The following XIRP2 variants were observed in gnomAD, a reference collection of about 807,000 sequenced individuals.
XIRP2 encodes the protein xin actin binding repeat containing 2.
XIRP2 carries 236 observed loss-of-function variants against 277.0 expected under a neutral mutation model. The observed-to-expected ratio is 0.85, with a 90% CI of 0.77 to 0.95. The LOEUF (loss-of-function observed/expected upper bound fraction) is 0.95, where lower values mean the gene tolerates loss of function less well. Among genes scored for constraint, XIRP2 ranks in the 40% least tolerant of loss-of-function variants. XIRP2 has a pLI of 0.00. For missense variants in XIRP2, 4,640 were observed against 4,157.5 expected (o/e 1.12, Z -3.19); for synonymous variants, 1,490 against 1,416.5 (o/e 1.05, Z -1.17).
chr2:167,167,499 T>A (rs184069664), intron 3 of XIRP2, among the ~76,000 whole-genome samples: 4,006 of 152,258 alleles, frequency 0.026, 62 homozygotes, highest in Non-Finnish European at 0.039. Flanking sequence ...TGTACTTTTT[T>A]AAAACTTTTT....
intron 2 of XIRP2, among the ~76,000 whole-genome samples, chr2:167,122,628 C>A (rs2105305868): frequency 6.6e-6 from 1 of 152,278 alleles, no homozygotes; most frequent in Non-Finnish European, 1.5e-5. Flanking sequence ...TTCTGAAAGA[C>A]CCAAGGTCCC....
intron 9 of XIRP2, among the ~76,000 whole-genome samples, chr2:167,253,491 C>T (rs1349000960): frequency 1.3e-5 from 2 of 151,724 alleles, no homozygotes; most frequent in African/African-American, 2.4e-5. Flanking sequence ...AACTCTAAGT[C>T]ATCAAGAAAA....
intron 2 of XIRP2, among the ~76,000 whole-genome samples, chr2:167,064,379 G>T (rs967609455): frequency 2.0e-5 from 3 of 151,708 alleles, no homozygotes; most frequent in Non-Finnish European, 4.4e-5. Context: ...ATTTTATAGC[G>T]CATACTTCTA....
At chr2:167,024,222 A>G (rs1688080811) in intron 2 of XIRP2, among the ~76,000 whole-genome samples, 1 of 152,068 alleles carries the variant, frequency 6.6e-6, no homozygotes, top group South Asian at 2.1e-4. Flanking sequence ...GCAATTGTGA[A>G]TGGGAGTTCA....
At chr2:167,102,590 T>C (rs78999500) in intron 2 of XIRP2, among the ~76,000 whole-genome samples, 13,068 of 152,276 alleles carry the variant, frequency 0.086, 607 homozygotes, top group South Asian at 0.16. Context: ...ACTGTAAATG[T>C]ACCATTTAAA....
At position 167,258,628 on chromosome 2, in the gene XIRP2, G is replaced by A. The variant is rs1445962187; in HGVS notation, c.*811G>A. Reference sequence around the variant, plus strand: ...TACAGGTTACTAACACTGATGATGAGATGATGCCAGAAAATCATAAAGAAA... The same window carrying A: ...TACAGGTTACTAACACTGATGATGAAATGATGCCAGAAAATCATAAAGAAA... On this transcript the variant is annotated 3_prime_UTR_variant, in exon 11 of 11. Transcript: ENST00000409195. 1 of 1,612,244 alleles carries A rather than the reference G, an allele frequency of 6.2e-7. No individual in the cohort carries two copies. Among genetic ancestry groups the A allele is most frequent in the Admixed American group, 1.7e-5 (1 of 59,712 alleles).
At chr2:167,023,032 G>A (rs565599691) in intron 2 of XIRP2, among the ~76,000 whole-genome samples, 7 of 152,022 alleles carry the variant, frequency 4.6e-5, no homozygotes, top group East Asian at 1.9e-4. Flanking sequence ...ATCGCCACAC[G>A]GACTTCCACA....
At chr2:166,968,332 G>A (rs927490095) in intron 2 of XIRP2, among the ~76,000 whole-genome samples, 1 of 151,814 alleles carries the variant, frequency 6.6e-6, no homozygotes. Flanking sequence ...TATACAAAAA[G>A]GCACTTACTG....
At chr2:167,177,916 A>G (rs1692894733) in intron 3 of XIRP2, among the ~76,000 whole-genome samples, 2 of 152,110 alleles carry the variant, frequency 1.3e-5, no homozygotes, top group African/African-American at 4.8e-5. Flanking sequence ...GAAGCAACCT[A>G]AACAACCACA....
chr2:167,015,818 G>A (rs1027606872), intron 2 of XIRP2, among the ~76,000 whole-genome samples: 1 of 151,688 alleles, frequency 6.6e-6, no homozygotes, highest in African/African-American at 2.4e-5. Flanking sequence ...TTCCTAAGTT[G>A]TCTTCTTCTG....
rs1376475587 is a variant in XIRP2, at chr2:167,254,399, A to T, written c.*39+234A>T. Among the ~76,000 whole-genome samples, 3 of 151,994 alleles carry T rather than the reference A, an allele frequency of 2.0e-5. No individual in the cohort carries two copies. In the East Asian group the frequency reaches 5.8e-4, roughly 29 times the overall value. ...TCCCTTTTGTCTGAACACAAAAATC[A>T]CACAGATGAGTAAAATTAAGAGTTA... On this transcript the variant is annotated intron_variant, in intron 10 of 10. Coordinates refer to ENST00000409195, the MANE Select transcript of XIRP2 (RefSeq NM_152381.6).
intron 2 of XIRP2, among the ~76,000 whole-genome samples, chr2:166,966,787 A>G (rs1374784540): frequency 6.6e-6 from 1 of 152,012 alleles, no homozygotes; most frequent in African/African-American, 2.4e-5. Flanking sequence ...TAAATTACAG[A>G]TAATCAGATC....
chr2:167,070,788 A>G (rs1689418666), intron 2 of XIRP2, among the ~76,000 whole-genome samples: 1 of 152,126 alleles, frequency 6.6e-6, no homozygotes, highest in African/African-American at 2.4e-5. Context: ...TATCCATACC[A>G]TGACTTTGGC....
chr2:166,972,041 G>A (rs1016940664), intron 2 of XIRP2, among the ~76,000 whole-genome samples: 3 of 152,082 alleles, frequency 2.0e-5, no homozygotes, highest in Non-Finnish European at 4.4e-5. Flanking sequence ...ATATTTAGAG[G>A]TAGAACCATT....
intron 2 of XIRP2, among the ~76,000 whole-genome samples, chr2:166,938,766 A>C (rs531871165): frequency 6.6e-6 from 1 of 152,260 alleles, no homozygotes; most frequent in African/African-American, 2.4e-5. Flanking sequence ...TTGCTTTATG[A>C]ATCTGGGTGC....
At chr2:167,074,638 G>A (rs548794242) in intron 2 of XIRP2, among the ~76,000 whole-genome samples, 100 of 81,114 alleles carry the variant, frequency 1.2e-3, no homozygotes, top group African/African-American at 0.011. Flanking sequence ...GTGTGTGCGT[G>A]TGTGTGTGTG....
At chr2:167,134,176 A>G (rs1270569927) in intron 2 of XIRP2, among the ~76,000 whole-genome samples, 1 of 151,574 alleles carries the variant, frequency 6.6e-6, no homozygotes, top group Non-Finnish European at 1.5e-5. Flanking sequence ...ACACATATAC[A>G]TAGTGAATAT....
chr2:167,225,988 A>G (rs1694587387), intron 5 of XIRP2, among the ~76,000 whole-genome samples: 1 of 152,148 alleles, frequency 6.6e-6, no homozygotes, highest in Non-Finnish European at 1.5e-5. Context: ...ATCATCAGTA[A>G]TATTCATACA....
At chr2:167,033,984 A>G (rs1161228886) in intron 2 of XIRP2, among the ~76,000 whole-genome samples, 1 of 152,204 alleles carries the variant, frequency 6.6e-6, no homozygotes, top group East Asian at 1.9e-4. Context: ...ACAGAATATT[A>G]TAACAGTGTA....
Sources: gnomAD v4.1 joint callset for allele counts (sites outside exome capture counted in the v4.1 genomes callset) on GRCh38, gnomAD v4.1.1 for gene constraint, MANE v1.5 for transcripts, NCBI Gene and HGNC (gene_info 2026-07-23, HGNC 2026-07-21) for gene names.